PAGE2: variants seen among roughly 807,000 people sequenced by gnomAD.
PAGE2 encodes PAGE family member 2.
Under a neutral mutation model 7.5 loss-of-function variants are expected in PAGE2, and 6 were observed. The ratio of observed to expected loss-of-function variants is 0.80; its 90% CI spans 0.44 to 1.57. The LOEUF is 1.57. Among genes scored for constraint, PAGE2 ranks in the 40% most tolerant of loss-of-function variants. The pLI, the probability that PAGE2 is intolerant of heterozygous loss-of-function variation, is 0.01. For synonymous variants in PAGE2, 22 were observed against 25.4 expected, an observed-to-expected ratio of 0.87 and a Z score of 0.41; for missense variants, 72 against 76.4, an observed-to-expected ratio of 0.94 and a Z score of 0.21.
rs1936646873 is a variant in PAGE2, at chrX:55,090,547, AC to A, written c.131del (p.Thr44MetfsTer37). 8.3e-7 allele frequency: 1 copy of A among 1,204,664 alleles called. No individual in the cohort carries two copies. Among genetic ancestry groups the A allele is most frequent in the Non-Finnish European group, 1.1e-6 (1 of 893,583 alleles). On this transcript the variant is annotated frameshift_variant, in exon 3 of 5. Transcript: ENST00000374968. LOFTEE classifies it high-confidence loss of function. ...EEKRQEEEPPTDNQGIAPSGE... is the reference protein window; with the variant it reads ...EEKRQEEEPPXDNQGIAPSGE... ...AAAACGTCAAGAAGAGGAACCACCA[AC>A]TGATAATCAGGGTATTGCACCTAGT...
intron 1 of PAGE2, among the ~76,000 whole-genome samples, chrX:55,089,562 C>T (rs1310338777): frequency 3.6e-5 from 4 of 109,637 alleles, no homozygotes; most frequent in Admixed American, 2.9e-4. Context: ...CACTCTGTTT[C>T]ACAATTTCTC....
chrX:55,090,215 A>G, intron 2 of PAGE2, 111 bp downstream of exon 2: 1 of 824,452 alleles, frequency 1.2e-6, no homozygotes, highest in Non-Finnish European at 1.7e-6. Context: ...AAAAATGATG[A>G]TGGCATCTCA....
chrX:55,090,156 T>C, intron 2 of PAGE2, 52 bp downstream of exon 2: 1 of 1,104,158 alleles, frequency 9.1e-7, no homozygotes, highest in Middle Eastern at 2.6e-4. Context: ...ATTTTAAAAA[T>C]ATTTTTGAGC....
At position 55,090,583 on chromosome X, in the gene PAGE2, G is replaced by A. The variant is rs867478330; in HGVS notation, c.166G>A (p.Glu56Lys). 1 of 1,206,618 alleles carries A rather than the reference G, an allele frequency of 8.3e-7. No individual in the cohort carries two copies. Among genetic ancestry groups the A allele is most frequent in the South Asian group, 1.8e-5 (1 of 56,462 alleles). The change falls in exon 3 of 5, where the codon GAA becomes AAA. Residue 56 changes from glutamate to lysine, a missense_variant. Glu to Lys is a moderately conservative substitution (Grantham distance 56, BLOSUM62 1). Coordinates refer to ENST00000374968, the MANE Select transcript of PAGE2 (RefSeq NM_207339.4). Reference sequence around the variant, plus strand: ...GGGTATTGCACCTAGTGGGGAGATTGAAAATCAAGCAGTGCCTGCTTTTCA... The same window carrying A: ...GGGTATTGCACCTAGTGGGGAGATTAAAAATCAAGCAGTGCCTGCTTTTCA... ...NQGIAPSGEI[E>K]NQAVPAFQGP...
At position 55,091,558 on chromosome X, in the gene PAGE2, C is replaced by T. The variant is rs201800609; in HGVS notation, c.319+101C>T. The T allele has an allele frequency of 4.6e-3, 5,158 of 1,123,543 alleles. 174 individuals carry two copies. The African/African-American group carries it at 0.057, about 12-fold the overall frequency. The allele number at this position is 1,123,543 out of a possible 1,213,427, so 92.6% of individuals were successfully genotyped here. A position where few individuals can be genotyped will look rare whatever the true frequency, so the allele number is the denominator to read the frequency against. ...ACTGCTACTTTAATATCATACTTCACGTCTGAAGGTTCTTTGAATGTAGTT... is the reference window on the plus strand; with the variant it reads ...ACTGCTACTTTAATATCATACTTCATGTCTGAAGGTTCTTTGAATGTAGTT... On this transcript the variant is annotated intron_variant, in intron 4 of 4. Transcript: ENST00000374968.
chrX:55,090,673 A>G (rs1477338913), intron 3 of PAGE2, 63 bp downstream of exon 3: 4 of 775,386 alleles, frequency 5.2e-6, no homozygotes, highest in Admixed American at 5.7e-5. Flanking sequence ...ATTGTATTTT[A>G]TGACATACCA....
chrX:55,089,422 AG>A (rs1936633773), intron 1 of PAGE2, among the ~76,000 whole-genome samples: 1 of 110,357 alleles, frequency 9.1e-6, no homozygotes, highest in Non-Finnish European at 1.9e-5. Flanking sequence ...ACTCCTCAGT[AG>A]GGACGCGGGA....
rs948832895 is a variant in PAGE2, at chrX:55,089,059, T to G, written c.-53T>G. The G allele has an allele frequency of 8.9e-6, 1 of 111,763 alleles. No individual in the cohort carries two copies. Among genetic ancestry groups the G allele is most frequent in the Non-Finnish European group, 1.9e-5 (1 of 53,345 alleles). The allele number at this position is 111,763 out of a possible 1,213,427, so 9.2% of individuals were successfully genotyped here. On this transcript the variant is annotated 5_prime_UTR_variant, in exon 1 of 5. The change creates a new upstream start codon in the 5' untranslated region. Transcript: ENST00000374968. ...CTGCAAGGAGAGAGAGTGTCTTCAT[T>G]CTTTCCGCCATCTTGATTCTTTCTC...
intron 1 of PAGE2, among the ~76,000 whole-genome samples, chrX:55,089,437 G>A (rs1265604242): frequency 2.7e-5 from 3 of 110,483 alleles, no homozygotes; most frequent in Non-Finnish European, 5.7e-5. Flanking sequence ...CGCGGGAAGG[G>A]ACCGTGTGGT....
In PAGE2 at chrX:55,090,401, A is replaced by G. The variant is rs1936645552; in HGVS notation, c.85-101A>G. 8.8e-6 allele frequency: 7 copies of G among 797,145 alleles called. No individual in the cohort carries two copies. The African/African-American group carries it at 1.1e-4, about 12-fold the overall frequency. The allele number at this position is 797,145 out of a possible 1,213,427, so 65.7% of individuals were successfully genotyped here. On this transcript the variant is annotated intron_variant, in intron 2 of 4. Coordinates refer to ENST00000374968, the MANE Select transcript of PAGE2 (RefSeq NM_207339.4). Reference sequence around the variant, plus strand: ...TCTATATGTGTGTGTATGTGTTTATATATGTTGGAAAAATGTCTTTAGATG... The same window carrying G: ...TCTATATGTGTGTGTATGTGTTTATGTATGTTGGAAAAATGTCTTTAGATG...
intron 2 of PAGE2, 97 bp from the exon 3 acceptor site, chrX:55,090,405 G>T (rs1245085846): frequency 9.6e-6 from 8 of 834,554 alleles, no homozygotes; most frequent in Non-Finnish European, 1.2e-5. Context: ...GTTTATATAT[G>T]TTGGAAAAAT....
chrX:55,089,771 G>T (rs7056277), intron 1 of PAGE2, among the ~76,000 whole-genome samples: 7,727 of 109,882 alleles, frequency 0.07, 859 homozygotes, highest in African/African-American at 0.24. Flanking sequence ...AAACCAAAAC[G>T]CAGAAATGTC....
At chrX:55,090,715 A>G in intron 3 of PAGE2, 105 bp downstream of exon 3, 2 of 553,255 alleles carry the variant, frequency 3.6e-6, no homozygotes, top group South Asian at 6.5e-5. Flanking sequence ...TTAGGAAGGA[A>G]TCTTAAACAT....
At position 55,091,271 on chromosome X, in the gene PAGE2, C is replaced by A; in HGVS notation, c.194-61C>A. On this transcript the variant is annotated intron_variant, in intron 3 of 4. Coordinates refer to ENST00000374968, the MANE Select transcript of PAGE2 (RefSeq NM_207339.4). ...ATAATGATGAGGGAATAAATACTATCATTTCCTCGTTCATAGTTCATGTTT... is the reference window on the plus strand; with the variant it reads ...ATAATGATGAGGGAATAAATACTATAATTTCCTCGTTCATAGTTCATGTTT... 4 of 1,195,289 alleles carry A rather than the reference C, an allele frequency of 3.3e-6. No homozygotes were observed. The East Asian group carries it at 1.2e-4, about 36-fold the overall frequency.
chrX:55,090,286 TTCTC>T lies in PAGE2; in HGVS notation c.84+194_84+197del, dbSNP rs925456372. ...GTGTTACCTGTATGGATATGGATAT[TTCTC>T]TCTCTCTCTCTATCTCTATGTATGT... On this transcript the variant is annotated intron_variant, in intron 2 of 4. Coordinates refer to ENST00000374968, the MANE Select transcript of PAGE2 (RefSeq NM_207339.4). Among the ~76,000 whole-genome samples, 11 of 107,756 alleles carry T rather than the reference TTCTC, an allele frequency of 1.0e-4. 1 individual carries two copies. Among genetic ancestry groups the T allele is most frequent in the South Asian group, 7.9e-4 (2 of 2,522 alleles). 93.6% of individuals were successfully genotyped at this position (107,756 alleles called of 115,157 possible). A position where few individuals can be genotyped will look rare whatever the true frequency, so the allele number is the denominator to read the frequency against.
At chrX:55,091,226 A>C (rs1936652882) in intron 3 of PAGE2, 106 bp from the exon 4 acceptor site, 1 of 1,127,084 alleles carries the variant, frequency 8.9e-7, no homozygotes, top group African/African-American at 1.9e-5. Context: ...TGAAATAATT[A>C]GCCTACCGGT....
chrX:55,090,016 G>A lies in PAGE2; in HGVS notation c.-5G>A. 1 of 1,175,173 alleles carries A rather than the reference G, an allele frequency of 8.5e-7. No homozygotes were observed. Among genetic ancestry groups the A allele is most frequent in the South Asian group, 1.8e-5 (1 of 55,300 alleles). On this transcript the variant is annotated 5_prime_UTR_variant, in exon 2 of 5. Coordinates refer to ENST00000374968, the MANE Select transcript of PAGE2 (RefSeq NM_207339.4). ...AATAACAATATTCTGTTTGCAGTGG[G>A]AAATATGAGTGAGCTTCTAAGAGCA...
intron 4 of PAGE2, among the ~76,000 whole-genome samples, chrX:55,091,732 C>CG (rs1936658514): frequency 1.3e-5 from 1 of 79,846 alleles, no homozygotes; most frequent in Non-Finnish European, 2.7e-5. Context: ...TGGGTCAAAA[C>CG]TAATTGGATT....
At chrX:55,090,354 C>CTATCTATCTATA in intron 2 of PAGE2, 148 bp from the exon 3 acceptor site, 1 of 581,041 alleles carries the variant, frequency 1.7e-6, no homozygotes, top group Non-Finnish European at 2.7e-6. Flanking sequence ...ATCTATCTAT[C>CTATCTATCTATA]TATCTATCTA....
Sources: allele counts gnomAD v4.1 joint callset (sites outside exome capture counted in the v4.1 genomes callset), GRCh38; gene constraint gnomAD v4.1.1; transcripts MANE v1.5; gene names NCBI Gene and HGNC (gene_info 2026-07-23, HGNC 2026-07-21).